Variants in FAM169A observed in about 807,000 individuals in gnomAD.
FAM169A encodes family with sequence similarity 169 member A, also known as soluble lamin-associated protein of 75 kDa.
Under a neutral mutation model 75.7 loss-of-function variants are expected in FAM169A, and 24 were observed. The ratio of observed to expected loss-of-function variants is 0.32; its 90% CI spans 0.23 to 0.45. The LOEUF (loss-of-function observed/expected upper bound fraction) is 0.45. Among genes scored for constraint, FAM169A ranks in the 20% least tolerant of loss-of-function variants. The probability of loss-of-function intolerance (pLI) is 1.00; values close to 1 mark genes in which losing one functional copy is unlikely to be tolerated. For missense variants in FAM169A, 673 were observed against 784.0 expected (o/e 0.86, Z 1.69); for synonymous variants, 271 against 271.0 (o/e 1.00, Z 0.00).
chr5:74,841,644 G>C lies in FAM169A; in HGVS notation c.33C>G (p.Cys11Trp). ...CAGAATTTTCCAATTCCTCATGGCT[G>C]CAATTTTCCAGCATATCCACAGGGA... Reference protein sequence around the residue: MAFPVDMLENCSHEELENSAE... With the variant: MAFPVDMLENWSHEELENSAE... The change falls in exon 2 of 13, where the codon TGC (cysteine) becomes TGG (tryptophan). Residue 11 changes from cysteine (C) to tryptophan (W), a missense_variant. By Grantham distance (215) the Cys-to-Trp change is radical (BLOSUM62 -2). Transcript: ENST00000687041. 6.2e-7 allele frequency: 1 copy of C among 1,612,636 alleles called. No individual in the cohort carries two copies. The highest frequency in any genetic ancestry group is 8.5e-7 in the Non-Finnish European group (1 of 1,179,022).
intron 4 of FAM169A, among the ~76,000 whole-genome samples, chr5:74,837,786 G>C (rs1305095022): frequency 1.3e-5 from 2 of 152,088 alleles, no homozygotes; most frequent in African/African-American, 4.8e-5. Flanking sequence ...GTGTTCTAAA[G>C]GAAGAATATC....
At chr5:74,827,572 C>G (rs1748100166) in intron 5 of FAM169A, among the ~76,000 whole-genome samples, 1 of 151,114 alleles carries the variant, frequency 6.6e-6, no homozygotes, top group South Asian at 2.1e-4. Context: ...TAGTATACAA[C>G]AAATCAAAAC....
intron 11 of FAM169A, among the ~76,000 whole-genome samples, chr5:74,785,546 G>A (rs1430894795): frequency 2.0e-5 from 3 of 152,156 alleles, no homozygotes; most frequent in East Asian, 2.0e-4. Flanking sequence ...AGGATCACTT[G>A]AGGTCCAGAG....
chr5:74,844,474 A>AAAAAG (rs531076219), intron 1 of FAM169A, among the ~76,000 whole-genome samples: 1 of 151,986 alleles, frequency 6.6e-6, no homozygotes, highest in African/African-American at 2.4e-5. Flanking sequence ...AAAAAAACAA[A>AAAAAG]AAAAGAAAAG....
At chr5:74,788,504 G>A (rs553763755) in intron 11 of FAM169A, among the ~76,000 whole-genome samples, 12 of 152,174 alleles carry the variant, frequency 7.9e-5, no homozygotes, top group South Asian at 2.1e-4. Flanking sequence ...TCGGGAGTTC[G>A]AAACCAGCCT....
At chr5:74,831,452 G>C (rs1409560194) in intron 5 of FAM169A, among the ~76,000 whole-genome samples, 1 of 152,114 alleles carries the variant, frequency 6.6e-6, no homozygotes, top group African/African-American at 2.4e-5. Flanking sequence ...AAAAAGAATA[G>C]AGAGTAACTA....
chr5:74,801,723 A>T lies in FAM169A; in HGVS notation c.913-94T>A, dbSNP rs933571417. The T allele has an allele frequency of 1.2e-5, 11 of 926,994 alleles. No homozygotes were observed. In the African/African-American group the frequency reaches 1.7e-4, roughly 14 times the overall value. 57.4% of individuals were successfully genotyped at this position (926,994 alleles called of 1,614,324 possible). A position where few individuals can be genotyped will look rare whatever the true frequency, so the allele number is the denominator to read the frequency against. On this transcript the variant is annotated intron_variant, in intron 8 of 12. Coordinates refer to ENST00000687041, the MANE Select transcript of FAM169A (RefSeq NM_001376049.1). ...ATAGTTTCAAAGAAAAACTTGTAAA[A>T]TGTTTTCCAAATAGCACTTTTTGTT... is the stretch of plus-strand genomic sequence containing the variant.
At chr5:74,849,977 A>G (rs1048388204) in intron 1 of FAM169A, among the ~76,000 whole-genome samples, 1 of 152,234 alleles carries the variant, frequency 6.6e-6, no homozygotes, top group African/African-American at 2.4e-5. Flanking sequence ...TAGAGCAGGA[A>G]GTTGAATGGG....
chr5:74,802,201 A>G (rs1746616271), intron 8 of FAM169A, among the ~76,000 whole-genome samples: 1 of 152,140 alleles, frequency 6.6e-6, no homozygotes, highest in South Asian at 2.1e-4. Flanking sequence ...TTAACTGAAG[A>G]ATCTCTCAAA....
chr5:74,801,128 C>G (rs1440605365), intron 9 of FAM169A, 98 bp from the exon 10 acceptor site: 5 of 897,338 alleles, frequency 5.6e-6, no homozygotes, highest in Non-Finnish European at 7.9e-6. Flanking sequence ...CTAGTTTACA[C>G]ATATCCTCCA....
At chr5:74,799,328 C>T in intron 10 of FAM169A, 1 of 1,605,180 alleles carries the variant, frequency 6.2e-7, no homozygotes, top group South Asian at 1.1e-5. Flanking sequence ...AACAAATTTG[C>T]TGTGGGAAGT....
intron 5 of FAM169A, among the ~76,000 whole-genome samples, chr5:74,825,306 C>G (rs753938019): frequency 6.6e-6 from 1 of 152,182 alleles, no homozygotes; most frequent in Non-Finnish European, 1.5e-5. Context: ...TCCAAAAGAT[C>G]ATTCTGCAAT....
intron 1 of FAM169A, among the ~76,000 whole-genome samples, chr5:74,856,484 C>A (rs1172420148): frequency 6.6e-6 from 1 of 152,016 alleles, no homozygotes; most frequent in Non-Finnish European, 1.5e-5. Flanking sequence ...GTTTTCATTG[C>A]AGACATCTTT....
Position 74,778,264 on chromosome 5 carries a change from A to G in FAM169A, c.*3196T>C, listed in dbSNP as rs1468765492. 2 of 152,064 alleles carry G rather than the reference A, an allele frequency of 1.3e-5. No homozygotes were observed. The highest frequency in any genetic ancestry group is 2.1e-4 in the South Asian group (1 of 4,836). The allele number at this position is 152,064 out of a possible 1,614,324, so 9.4% of individuals were successfully genotyped here. A position where few individuals can be genotyped will look rare whatever the true frequency, so the allele number is the denominator to read the frequency against. Reference sequence around the variant, plus strand: ...GAAACATTTTTCAAAATACTGTAACACAGATGAGTAATATTAGTATAAATT... The same window carrying G: ...GAAACATTTTTCAAAATACTGTAACGCAGATGAGTAATATTAGTATAAATT... On this transcript the variant is annotated 3_prime_UTR_variant, in exon 13 of 13. Transcript: ENST00000687041.
At position 74,841,681 on chromosome 5, in the gene FAM169A, T is replaced by C; in HGVS notation, c.-3-2A>G. 6.2e-7 allele frequency: 1 copy of C among 1,610,458 alleles called. No homozygotes were observed. Among genetic ancestry groups the C allele is most frequent in the East Asian group, 2.2e-5 (1 of 44,706 alleles). ...CATATCCACAGGGAATGCCATCCTC[T>C]TTAACAAACAACATGGAACAAACAA... On this transcript the variant is annotated splice_acceptor_variant, in intron 1 of 12. Coordinates refer to ENST00000687041, the MANE Select transcript of FAM169A (RefSeq NM_001376049.1). LOFTEE classifies it low-confidence loss of function (5UTR_SPLICE).
In FAM169A at chr5:74,842,588, T is replaced by C. The variant is rs545441008; in HGVS notation, c.-3-909A>G. 3.5e-5 allele frequency among the ~76,000 whole-genome samples: 5 copies of C among 143,154 alleles called. No individual in the cohort carries two copies. The South Asian group carries it at 1.0e-3, about 29-fold the overall frequency. The allele number at this position is 143,154 out of a possible 152,430, so 93.9% of individuals were successfully genotyped here. ...GCTCTGTCACCCAGGCTTAAGTGCA[T>C]TGGTGCAATCATTGTTCTATGTAAC... On this transcript the variant is annotated intron_variant, in intron 1 of 12. Coordinates refer to ENST00000687041, the MANE Select transcript of FAM169A (RefSeq NM_001376049.1).
chr5:74,801,524 C>T (rs1328865173), intron 9 of FAM169A, 66 bp downstream of exon 9: 1 of 1,206,420 alleles, frequency 8.3e-7, no homozygotes, highest in African/African-American at 1.5e-5. Flanking sequence ...TGCATGCACA[C>T]ACACACACAC....
intron 5 of FAM169A, among the ~76,000 whole-genome samples, chr5:74,824,960 C>T (rs1258564213): frequency 1.3e-5 from 2 of 152,024 alleles, no homozygotes; most frequent in Non-Finnish European, 2.9e-5. Flanking sequence ...ACACACTTCC[C>T]ATACAAAAAA....
At chr5:74,805,125 G>C (rs1211976450) in intron 7 of FAM169A, 31 bp downstream of exon 7, 1 of 1,603,722 alleles carries the variant, frequency 6.2e-7, no homozygotes, top group African/African-American at 1.3e-5. Flanking sequence ...TAAATAAACT[G>C]AACTTATGTT....
Sources: allele counts gnomAD v4.1 joint callset (sites outside exome capture counted in the v4.1 genomes callset), GRCh38; gene constraint gnomAD v4.1.1; transcripts MANE v1.5; gene names NCBI Gene and HGNC (gene_info 2026-07-23, HGNC 2026-07-21).